The following FAM107B variants were observed in gnomAD, a reference collection of about 807,000 sequenced individuals.
The protein encoded by FAM107B is family with sequence similarity 107 member B.
A neutral mutation model predicts 31.5 loss-of-function variants in FAM107B; 21 were observed. The observed-to-expected ratio is 0.67, with a 90% CI of 0.47 to 0.96. FAM107B has a LOEUF of 0.96. Ranked by LOEUF, FAM107B falls within the 40% of genes least tolerant of loss-of-function variation. The pLI is 0.00. For synonymous variants in FAM107B, 157 were observed against 141.5 expected (o/e 1.11, Z -0.78); for missense variants, 452 against 377.1 (o/e 1.20, Z -1.64).
chr10:14,583,419 G>A (rs893689833), intron 2 of FAM107B, among the ~76,000 whole-genome samples: 6 of 152,128 alleles, frequency 3.9e-5, no homozygotes, highest in East Asian at 3.9e-4. Context: ...GCGCAGGACC[G>A]CAGCACAGAC....
At chr10:14,718,202 C>T (rs1443893197) in intron 1 of FAM107B, among the ~76,000 whole-genome samples, 2 of 152,112 alleles carry the variant, frequency 1.3e-5, no homozygotes, top group African/African-American at 4.8e-5. Context: ...TGGCACGCAC[C>T]TGTAGTCCCA....
At chr10:14,640,767 C>A in intron 2 of FAM107B, among the ~76,000 whole-genome samples, 1 of 152,154 alleles carries the variant, frequency 6.6e-6, no homozygotes, top group East Asian at 1.9e-4. Context: ...AATAGTCAAA[C>A]TGTTCATTGT....
chr10:14,594,501 C>CAAAAAA (rs371126997), intron 2 of FAM107B, among the ~76,000 whole-genome samples: 3 of 80,156 alleles, frequency 3.7e-5, no homozygotes, highest in East Asian at 3.3e-4. Flanking sequence ...AAGACCCTGC[C>CAAAAAA]AAAAAAAAAA....
At chr10:14,679,439 T>C (rs562380621) in intron 1 of FAM107B, among the ~76,000 whole-genome samples, 3 of 141,950 alleles carry the variant, frequency 2.1e-5, no homozygotes, top group Non-Finnish European at 4.8e-5. Context: ...CAAAAAAAAG[T>C]TGAGGTTATA....
At chr10:14,610,751 C>A (rs1044301111) in intron 2 of FAM107B, among the ~76,000 whole-genome samples, 5 of 152,206 alleles carry the variant, frequency 3.3e-5, no homozygotes, top group Non-Finnish European at 7.3e-5. Flanking sequence ...ACAGCACCAA[C>A]AGTAAAGATG....
At chr10:14,591,848 G>A (rs552060352) in intron 2 of FAM107B, among the ~76,000 whole-genome samples, 7 of 152,120 alleles carry the variant, frequency 4.6e-5, no homozygotes, top group South Asian at 4.2e-4. Flanking sequence ...AGGGACTAGT[G>A]GGATGAGTTT....
At chr10:14,709,981 G>A (rs1423093294) in intron 1 of FAM107B, among the ~76,000 whole-genome samples, 1 of 152,148 alleles carries the variant, frequency 6.6e-6, no homozygotes, top group Non-Finnish European at 1.5e-5. Context: ...AAAGTATTCT[G>A]TATGATACTA....
intron 1 of FAM107B, among the ~76,000 whole-genome samples, chr10:14,738,035 T>C (rs1856349740): frequency 6.6e-6 from 1 of 152,118 alleles, no homozygotes; most frequent in African/African-American, 2.4e-5. Flanking sequence ...GCCAGCACTG[T>C]GAGGACCAAT....
intron 2 of FAM107B, among the ~76,000 whole-genome samples, chr10:14,616,053 A>G (rs1317707079): frequency 1.3e-5 from 2 of 152,250 alleles, no homozygotes; most frequent in African/African-American, 2.4e-5. Flanking sequence ...TGTAACAATT[A>G]TTTTAAAACT....
At chr10:14,723,664 C>T (rs569701803) in intron 1 of FAM107B, 25 of 713,922 alleles carry the variant, frequency 3.5e-5, no homozygotes, top group Admixed American at 1.5e-4. Flanking sequence ...GAGAGGCTGG[C>T]AGTCAGCTCT....
chr10:14,763,187 G>A (rs934618535), intron 1 of FAM107B, among the ~76,000 whole-genome samples: 2 of 152,090 alleles, frequency 1.3e-5, no homozygotes, highest in East Asian at 1.9e-4. Context: ...GCTTGAACCC[G>A]GGAGGCAGAG....
chr10:14,762,801 CAA>C (rs1554757453), intron 1 of FAM107B, among the ~76,000 whole-genome samples: 54 of 141,230 alleles, frequency 3.8e-4, no homozygotes, highest in Admixed American at 5.6e-4. Flanking sequence ...CACACACACA[CAA>C]AAAGAACATG....
At chr10:14,710,467 C>T (rs1009652398) in intron 1 of FAM107B, among the ~76,000 whole-genome samples, 1 of 114,602 alleles carries the variant, frequency 8.7e-6, no homozygotes, top group African/African-American at 3.1e-5. Flanking sequence ...CACACACACA[C>T]ACACACACAC....
chr10:14,699,054 G>A (rs938041642), intron 1 of FAM107B, among the ~76,000 whole-genome samples: 7 of 126,568 alleles, frequency 5.5e-5, no homozygotes, highest in Non-Finnish European at 1.1e-4. Context: ...GCAGGCAGAG[G>A]TGGGGGGCAG....
At position 14,667,892 on chromosome 10, in the gene FAM107B, G is replaced by T. The variant is rs1854446488; in HGVS notation, c.412-201C>A. On this transcript the variant is annotated intron_variant, in intron 1 of 4. Transcript: ENST00000181796. ...CAAGTAGAGTAGAGTAACTACAGGG[G>T]CGTTGGGTGACACAACTCCAGGGTG... is the stretch of plus-strand genomic sequence containing the variant. Among the ~76,000 whole-genome samples the T allele has an allele frequency of 2.0e-5, 3 of 151,008 alleles. No individual in the cohort carries two copies. In the Admixed American group the frequency reaches 2.0e-4, roughly 10 times the overall value.
At chr10:14,522,972 C>T (rs1284424388) in intron 3 of FAM107B, among the ~76,000 whole-genome samples, 1 of 152,112 alleles carries the variant, frequency 6.6e-6, no homozygotes, top group African/African-American at 2.4e-5. Flanking sequence ...AGTCGGCCTT[C>T]AGGGAAGTCC....
intron 2 of FAM107B, among the ~76,000 whole-genome samples, chr10:14,600,249 G>T (rs1983894): frequency 6.6e-6 from 1 of 152,220 alleles, no homozygotes; most frequent in East Asian, 1.9e-4. Context: ...CGGCTTCCCA[G>T]GGCTACTGGC....
At position 14,572,761 on chromosome 10, in the gene FAM107B, T is replaced by TATATATATATATATATATATATATATA. The variant is rs1554835550; in HGVS notation, c.470-42247_470-42246insTATATATATATATATATATATATATAT. Among the ~76,000 whole-genome samples the TATATATATATATATATATATATATATA allele has an allele frequency of 1.9e-3, 147 of 76,034 alleles. 1 individual carries two copies. Among genetic ancestry groups the TATATATATATATATATATATATATATA allele is most frequent in the Non-Finnish European group, 3.6e-3 (132 of 36,480 alleles). The allele number at this position is 76,034 out of a possible 152,430, so 49.9% of individuals were successfully genotyped here. ...AATTTATATATATATATATATATATTAGAGTGTGTGTGTATATATGTTATG... is the reference window on the plus strand; with the variant it reads ...AATTTATATATATATATATATATATTATATATATATATATATATATATATATAAGAGTGTGTGTGTATATATGTTATG... On this transcript the variant is annotated intron_variant, in intron 2 of 4. Transcript: ENST00000181796.
chr10:14,582,733 T>A (rs1396826822), intron 2 of FAM107B, among the ~76,000 whole-genome samples: 1 of 152,080 alleles, frequency 6.6e-6, no homozygotes, highest in African/African-American at 2.4e-5. Flanking sequence ...ACACTACTCT[T>A]ACACCAACTT....
Sources: gnomAD v4.1 joint callset for allele counts (sites outside exome capture counted in the v4.1 genomes callset) on GRCh38, gnomAD v4.1.1 for gene constraint, MANE v1.5 for transcripts, NCBI Gene and HGNC (gene_info 2026-07-23, HGNC 2026-07-21) for gene names.